Variants in PHACTR1 observed in about 807,000 individuals in gnomAD.
PHACTR1 encodes the protein RPEL repeat containing 1.
Under a neutral mutation model 69.2 loss-of-function variants are expected in PHACTR1, and 16 were observed. That is an observed-to-expected ratio of 0.23 (90% CI 0.16 to 0.35). The LOEUF is 0.35. Among genes scored for constraint, PHACTR1 ranks in the 10% least tolerant of loss-of-function variants. PHACTR1 has a pLI of 1.00. For synonymous variants in PHACTR1, 312 were observed against 284.5 expected (o/e 1.10, Z -0.97); for missense variants, 510 against 734.7 (o/e 0.69, Z 3.54).
chr6:12,856,327 T>C lies in PHACTR1; in HGVS notation c.250+106537T>C, dbSNP rs532379810. On this transcript the variant is annotated intron_variant, in intron 4 of 14. Coordinates refer to ENST00000332995, the MANE Select transcript of PHACTR1 (RefSeq NM_030948.6). ...GGAGTGCAGTGGCGCGATCTCGGCT[T>C]ACTGCAAGCTCCGCCTCCCAGGCTC... Among the ~76,000 whole-genome samples the C allele has an allele frequency of 3.3e-5, 5 of 151,484 alleles. No homozygotes were observed. In the South Asian group the frequency reaches 8.4e-4, roughly 25 times the overall value.
chr6:13,127,457 C>A (rs922827860), intron 5 of PHACTR1, among the ~76,000 whole-genome samples: 13 of 152,232 alleles, frequency 8.5e-5, no homozygotes, highest in Admixed American at 2.0e-4. Context: ...GTAGTCTCAG[C>A]TACTCAGGAG....
chr6:12,971,156 G>A (rs1794149461), intron 4 of PHACTR1, among the ~76,000 whole-genome samples: 4 of 152,150 alleles, frequency 2.6e-5, no homozygotes, highest in Admixed American at 2.0e-4. Flanking sequence ...CATGTCCCAG[G>A]GCTGAGCAGC....
intron 5 of PHACTR1, among the ~76,000 whole-genome samples, chr6:13,106,663 A>G (rs1816193772): frequency 6.6e-6 from 1 of 152,014 alleles, no homozygotes; most frequent in Non-Finnish European, 1.5e-5. Context: ...TTTTTCTTAG[A>G]GATGGGGTCT....
intron 4 of PHACTR1, among the ~76,000 whole-genome samples, chr6:13,023,558 G>A (rs991542444): frequency 3.9e-5 from 6 of 152,264 alleles, no homozygotes; most frequent in East Asian, 3.9e-4. Context: ...CCGTTCTTTC[G>A]TTCTCATTTT....
chr6:13,160,245 C>T lies in PHACTR1; in HGVS notation c.457C>T (p.Leu153=). 6.2e-7 allele frequency: 1 copy of T among 1,613,756 alleles called. No homozygotes were observed. The highest frequency in any genetic ancestry group is 8.5e-7 in the Non-Finnish European group (1 of 1,179,728). Reference sequence around the variant, plus strand: ...ATCTATGAGGCAAAGCAGAGAAGAGCTGATAAAGCGAGGAGTCCTGAAGGA... The same window carrying T: ...ATCTATGAGGCAAAGCAGAGAAGAGTTGATAAAGCGAGGAGTCCTGAAGGA... ...KISMRQSREE[L]IKRGVLKEIY... The change falls in exon 6 of 15, where the codon CTG becomes TTG. Residue 153 remains leucine, a synonymous_variant. Transcript: ENST00000332995.
At chr6:12,756,706 T>A (rs138357114) in intron 4 of PHACTR1, among the ~76,000 whole-genome samples, 12 of 152,388 alleles carry the variant, frequency 7.9e-5, no homozygotes, top group African/African-American at 2.9e-4. Flanking sequence ...ATACTTGGGC[T>A]GTAACTGTAG....
chr6:13,244,021 A>T (rs755214528), intron 10 of PHACTR1, among the ~76,000 whole-genome samples: 22 of 151,912 alleles, frequency 1.4e-4, no homozygotes, highest in Non-Finnish European at 2.9e-4. Context: ...TTTTCAGGGG[A>T]CCTGCCCCGA....
chr6:12,816,326 G>T (rs575434127), intron 4 of PHACTR1, among the ~76,000 whole-genome samples: 1 of 152,112 alleles, frequency 6.6e-6, no homozygotes, highest in Non-Finnish European at 1.5e-5. Flanking sequence ...CATTTTATCC[G>T]TCTCTTAATC....
intron 4 of PHACTR1, among the ~76,000 whole-genome samples, chr6:12,956,371 C>T (rs2127559537): frequency 6.6e-6 from 1 of 152,208 alleles, no homozygotes; most frequent in South Asian, 2.1e-4. Flanking sequence ...ACTCATGGGT[C>T]GATTCTGTTT....
chr6:13,140,124 A>C (rs1822203103), intron 5 of PHACTR1, among the ~76,000 whole-genome samples: 2 of 152,214 alleles, frequency 1.3e-5, no homozygotes. Context: ...GATGGTTAAA[A>C]ACACAGATAA....
intron 8 of PHACTR1, among the ~76,000 whole-genome samples, chr6:13,221,949 T>C (rs1768723197): frequency 6.6e-6 from 1 of 151,838 alleles, no homozygotes; most frequent in African/African-American, 2.4e-5. Flanking sequence ...GGCAGAGAAT[T>C]GCTTGAATCC....
chr6:13,044,339 G>A (rs1241621320), intron 4 of PHACTR1, among the ~76,000 whole-genome samples: 2 of 152,190 alleles, frequency 1.3e-5, no homozygotes, highest in Admixed American at 1.3e-4. Flanking sequence ...GCTAAATGAA[G>A]ATGTTTTAGT....
intron 4 of PHACTR1, among the ~76,000 whole-genome samples, chr6:12,897,587 T>C (rs1784785771): frequency 6.6e-6 from 1 of 152,096 alleles, no homozygotes; most frequent in South Asian, 2.1e-4. Context: ...CTTCCTCTCT[T>C]TTATTTATAT....
intron 4 of PHACTR1, among the ~76,000 whole-genome samples, chr6:12,958,447 G>C (rs1010359950): frequency 6.6e-6 from 1 of 152,204 alleles, no homozygotes; most frequent in African/African-American, 2.4e-5. Flanking sequence ...GAGAATTTGT[G>C]GCTGAAGAAA....
At chr6:13,188,936 A>C (rs1763148049) in intron 7 of PHACTR1, among the ~76,000 whole-genome samples, 1 of 152,208 alleles carries the variant, frequency 6.6e-6, no homozygotes, top group Non-Finnish European at 1.5e-5. Flanking sequence ...GAATCCTTGG[A>C]GTGATGGGTG....
At chr6:13,230,273 C>A in intron 10 of PHACTR1, 80 bp downstream of exon 10, 1 of 1,548,480 alleles carries the variant, frequency 6.5e-7, no homozygotes, top group South Asian at 1.2e-5. Context: ...CAGTCTCGGC[C>A]GGGCGCAGTA....
chr6:12,884,716 G>A (rs1039901312), intron 4 of PHACTR1, among the ~76,000 whole-genome samples: 2 of 152,160 alleles, frequency 1.3e-5, no homozygotes, highest in Admixed American at 1.3e-4. Context: ...AATTTTGTAT[G>A]CGTCAAAATC....
At chr6:13,043,288 G>A (rs1471319794) in intron 4 of PHACTR1, among the ~76,000 whole-genome samples, 1 of 152,186 alleles carries the variant, frequency 6.6e-6, no homozygotes, top group African/African-American at 2.4e-5. Context: ...TTAGCTGGGC[G>A]TGGTGGTGTG....
intron 5 of PHACTR1, among the ~76,000 whole-genome samples, chr6:13,058,823 A>ACC (rs1428334679): frequency 6.6e-6 from 1 of 152,144 alleles, no homozygotes; most frequent in African/African-American, 2.4e-5. Context: ...AGCGAGAAAG[A>ACC]CCAGTGGCTG....
Sources: allele counts gnomAD v4.1 joint callset (sites outside exome capture counted in the v4.1 genomes callset), GRCh38; gene constraint gnomAD v4.1.1; transcripts MANE v1.5; gene names NCBI Gene and HGNC (gene_info 2026-07-23, HGNC 2026-07-21).